The following HECW2 variants were observed in gnomAD, a reference collection of about 807,000 sequenced individuals.
The protein encoded by HECW2 is HECT, C2 and WW domain containing E3 ubiquitin protein ligase 2.
In HECW2, 61 loss-of-function variants were observed where a neutral mutation model predicts 175.2. The ratio of observed to expected loss-of-function variants is 0.35; its 90% CI spans 0.28 to 0.43. The LOEUF is 0.43. HECW2 is among the 20% of genes least tolerant of loss of function. The pLI, the probability that HECW2 is intolerant of heterozygous loss-of-function variation, is 1.00. For synonymous variants in HECW2, 671 were observed against 731.0 expected, an observed-to-expected ratio of 0.92 and a Z score of 1.32; for missense variants, 1,524 against 2,000.5, an observed-to-expected ratio of 0.76 and a Z score of 4.54.
At chr2:196,465,277 T>C (rs531223278) in intron 1 of HECW2, among the ~76,000 whole-genome samples, 1 of 152,206 alleles carries the variant, frequency 6.6e-6, no homozygotes, top group Non-Finnish European at 1.5e-5. Context: ...AACTTCAAGT[T>C]ATAAAATAAG....
At chr2:196,494,163 A>G (rs1190551577) in intron 1 of HECW2, among the ~76,000 whole-genome samples, 1 of 152,204 alleles carries the variant, frequency 6.6e-6, no homozygotes, top group East Asian at 1.9e-4. Context: ...CTTGTTCAGG[A>G]AAATGTTTCT....
chr2:196,416,160 A>C (rs1204036172), intron 2 of HECW2, among the ~76,000 whole-genome samples: 1 of 152,224 alleles, frequency 6.6e-6, no homozygotes, highest in African/African-American at 2.4e-5. Context: ...AAATTACATC[A>C]GTTACAGTTT....
chr2:196,240,454 C>G lies in HECW2; in HGVS notation c.3759G>C (p.Glu1253Asp). Residue 1253 changes from glutamate to aspartate, a missense_variant, in exon 21 of 29, where the codon GAG (glutamate) becomes GAC (aspartate). Coordinates refer to ENST00000644978, the MANE Select transcript of HECW2 (RefSeq NM_001348768.2). ...RNKLYVTFVGEEGLDYSGPSR... is the reference protein window; with the variant it reads ...RNKLYVTFVGDEGLDYSGPSR... ...CACTTCTCTGTTCTACTCACCCTTCCTCCCCAACGAAGGTGACATATAGCT... is the reference window on the plus strand; with the variant it reads ...CACTTCTCTGTTCTACTCACCCTTCGTCCCCAACGAAGGTGACATATAGCT... The G allele has an allele frequency of 6.2e-7, 1 of 1,605,014 alleles. No homozygotes were observed. The highest frequency in any genetic ancestry group is 8.5e-7 in the Non-Finnish European group (1 of 1,175,234).
At chr2:196,335,765 C>T (rs562641323) in intron 3 of HECW2, among the ~76,000 whole-genome samples, 7 of 152,154 alleles carry the variant, frequency 4.6e-5, no homozygotes, top group African/African-American at 1.7e-4. Context: ...AGTCACTATC[C>T]AATAATTCAT....
At position 196,271,560 on chromosome 2, in the gene HECW2, TTACAGGTG is replaced by T. The variant is rs1188601699; in HGVS notation, c.3239-279_3239-272del. ...GCCTTGGCCTCCCAAAGTGCTAGGATTACAGGTGTAAGCCACTGTGCCCGGCCTATAAA... is the reference window on the plus strand; with the variant it reads ...GCCTTGGCCTCCCAAAGTGCTAGGATTAAGCCACTGTGCCCGGCCTATAAA... On this transcript the variant is annotated intron_variant, in intron 16 of 28. Transcript: ENST00000644978. 5.9e-5 allele frequency among the ~76,000 whole-genome samples: 9 copies of T among 152,244 alleles called. No individual in the cohort carries two copies. The East Asian group carries it at 1.5e-3, about 26-fold the overall frequency.
chr2:196,487,696 A>G (rs1687055901), intron 1 of HECW2, among the ~76,000 whole-genome samples: 1 of 152,236 alleles, frequency 6.6e-6, no homozygotes, highest in African/African-American at 2.4e-5. Flanking sequence ...CAAAGACTGC[A>G]TGGATTTAAC....
intron 2 of HECW2, among the ~76,000 whole-genome samples, chr2:196,401,886 C>T (rs941769530): frequency 1.3e-5 from 2 of 151,944 alleles, no homozygotes; most frequent in Non-Finnish European, 2.9e-5. Flanking sequence ...GAGAGGGTAC[C>T]AAAAATAACT....
chr2:196,476,849 G>A (rs1686641824), intron 1 of HECW2, among the ~76,000 whole-genome samples: 1 of 139,614 alleles, frequency 7.2e-6, no homozygotes, highest in Non-Finnish European at 1.5e-5. Flanking sequence ...AATGGCTCAT[G>A]CCTGTAATTC....
intron 19 of HECW2, among the ~76,000 whole-genome samples, chr2:196,253,602 C>A (rs1050310735): frequency 2.0e-4 from 31 of 152,142 alleles, no homozygotes; most frequent in African/African-American, 7.0e-4. Flanking sequence ...CAAAAAAGTT[C>A]TCTTCACTAG....
At chr2:196,571,899 T>G (rs1042202891) in intron 1 of HECW2, among the ~76,000 whole-genome samples, 5 of 152,072 alleles carry the variant, frequency 3.3e-5, no homozygotes, top group Admixed American at 3.3e-4. Flanking sequence ...CATCAAGGAA[T>G]GAATGAATAA....
At chr2:196,263,609 A>C (rs967262386) in intron 17 of HECW2, 1 of 152,184 alleles carries the variant, frequency 6.6e-6, no homozygotes, top group Non-Finnish European at 1.5e-5. Flanking sequence ...GATCATTCAT[A>C]CTCATTATTA....
At chr2:196,535,544 A>T (rs999067740) in intron 1 of HECW2, among the ~76,000 whole-genome samples, 1 of 152,236 alleles carries the variant, frequency 6.6e-6, no homozygotes, top group Non-Finnish European at 1.5e-5. Context: ...CTGCACTTAG[A>T]TCCTGTAAGT....
chr2:196,322,663 A>C, intron 6 of HECW2, 43 bp from the exon 7 acceptor site: 1 of 1,539,632 alleles, frequency 6.5e-7, no homozygotes, highest in Non-Finnish European at 9.0e-7. Context: ...AAAGAAAGAC[A>C]AATATGATAC....
intron 1 of HECW2, among the ~76,000 whole-genome samples, chr2:196,453,701 T>C (rs138942930): frequency 0.013 from 1,907 of 152,300 alleles, 26 homozygotes; most frequent in South Asian, 0.036. Context: ...CTAAAAGTCA[T>C]GTTTTCATCA....
intron 15 of HECW2, 112 bp downstream of exon 15, chr2:196,278,416 A>C: frequency 4.0e-6 from 1 of 247,726 alleles, no homozygotes; most frequent in Non-Finnish European, 6.5e-6. Context: ...AATCAAACTC[A>C]AAAAAAAAAA....
chr2:196,538,861 C>A (rs1203426009), intron 1 of HECW2, among the ~76,000 whole-genome samples: 6 of 152,116 alleles, frequency 3.9e-5, no homozygotes, highest in Non-Finnish European at 8.8e-5. Context: ...TAGGAACCAG[C>A]CGCCTCCTCT....
chr2:196,502,532 C>A (rs1204903151), intron 1 of HECW2, among the ~76,000 whole-genome samples: 1 of 152,182 alleles, frequency 6.6e-6, no homozygotes, highest in Non-Finnish European at 1.5e-5. Flanking sequence ...CACTCCAATG[C>A]AATTGATTAT....
At chr2:196,589,169 A>G (rs2125538547) in intron 1 of HECW2, among the ~76,000 whole-genome samples, 1 of 152,318 alleles carries the variant, frequency 6.6e-6, no homozygotes, top group South Asian at 2.1e-4. Context: ...ACTGCACTCC[A>G]GTCTGGGCAA....
chr2:196,249,563 G>A (rs1312025797), intron 19 of HECW2, among the ~76,000 whole-genome samples: 1 of 151,988 alleles, frequency 6.6e-6, no homozygotes, highest in Non-Finnish European at 1.5e-5. Flanking sequence ...ACCACTAAAA[G>A]GGGTGAAATT....
Sources: allele counts gnomAD v4.1 joint callset (sites outside exome capture counted in the v4.1 genomes callset), GRCh38; gene constraint gnomAD v4.1.1; transcripts MANE v1.5; gene names NCBI Gene and HGNC (gene_info 2026-07-23, HGNC 2026-07-21).